SNX9: variants seen among roughly 807,000 people sequenced by gnomAD.
SNX9 encodes sorting nexin-9.
SNX9 carries 44 observed loss-of-function variants against 89.4 expected under a neutral mutation model. The observed-to-expected ratio is 0.49, with a 90% CI of 0.39 to 0.63. The LOEUF is 0.63. Ranked by LOEUF, SNX9 falls within the 30% of genes least tolerant of loss-of-function variation. The pLI, the probability that SNX9 is intolerant of heterozygous loss-of-function variation, is 0.00. For synonymous variants in SNX9, 236 were observed against 247.8 expected (o/e 0.95, Z 0.45); for missense variants, 578 against 736.1 (o/e 0.79, Z 2.49).
intron 7 of SNX9, among the ~76,000 whole-genome samples, chr6:157,908,750 C>CAT (rs397841572): frequency 6.6e-6 from 1 of 152,060 alleles, no homozygotes; most frequent in Non-Finnish European, 1.5e-5. Context: ...AAAACTTACA[C>CAT]GAGGTCTCTA....
chr6:157,841,682 G>A (rs369637187), intron 1 of SNX9, among the ~76,000 whole-genome samples: 1 of 152,266 alleles, frequency 6.6e-6, no homozygotes, highest in South Asian at 2.1e-4. Context: ...GGAACTGGGA[G>A]GAGGTGTAGA....
rs560340393 is a variant in SNX9 at position 157,870,879 on chromosome 6, G to A, written c.100-2223G>A. Among the ~76,000 whole-genome samples the A allele has an allele frequency of 8.6e-5, 13 of 151,910 alleles. No homozygotes were observed. The East Asian group carries it at 1.4e-3, about 16-fold the overall frequency. On this transcript the variant is annotated intron_variant, in intron 2 of 17. Coordinates refer to ENST00000392185, the MANE Select transcript of SNX9 (RefSeq NM_016224.5). ...TCTCACACAGATGCAGCACTCACCCGTGCAAGCACGCACACACCCCTCAGA... is the reference window on the plus strand; with the variant it reads ...TCTCACACAGATGCAGCACTCACCCATGCAAGCACGCACACACCCCTCAGA...
intron 9 of SNX9, 23 bp from the exon 10 acceptor site, chr6:157,921,508 C>A: frequency 6.2e-7 from 1 of 1,606,616 alleles, no homozygotes; most frequent in Non-Finnish European, 8.5e-7. Flanking sequence ...AGTTGTATGT[C>A]ATTCTTGGTG....
intron 12 of SNX9, 27 bp downstream of exon 12, chr6:157,928,729 G>A: frequency 6.6e-7 from 1 of 1,513,610 alleles, no homozygotes; most frequent in East Asian, 2.5e-5. Context: ...CAGTGCACTG[G>A]GCTCGTAGGG....
intron 1 of SNX9, among the ~76,000 whole-genome samples, chr6:157,845,635 T>C (rs1781793335): frequency 6.6e-6 from 1 of 152,176 alleles, no homozygotes; most frequent in African/African-American, 2.4e-5. Context: ...TACTAGAGAG[T>C]ATCCTGCAAA....
chr6:157,882,957 A>G (rs959940850), intron 4 of SNX9, among the ~76,000 whole-genome samples: 2 of 152,220 alleles, frequency 1.3e-5, no homozygotes, highest in Admixed American at 6.5e-5. Context: ...TACTGTGGGC[A>G]AAATGCTATC....
rs1251435972 is a variant in SNX9 at position 157,939,222 on chromosome 6, G to A, written c.1648+475G>A. Among the ~76,000 whole-genome samples the A allele has an allele frequency of 4.6e-5, 7 of 152,252 alleles. No homozygotes were observed. The South Asian group carries it at 1.2e-3, about 27-fold the overall frequency. ...CAGCAAGTGGATTTTTCCTGTTGGC[G>A]GATGGGTGGATGGCACTTGGATGGG... On this transcript the variant is annotated intron_variant, in intron 16 of 17. Transcript: ENST00000392185.
intron 1 of SNX9, among the ~76,000 whole-genome samples, chr6:157,837,256 G>C (rs1781602613): frequency 6.6e-6 from 1 of 152,280 alleles, no homozygotes; most frequent in South Asian, 2.1e-4. Flanking sequence ...TCTCAACACT[G>C]TTACAATCTC....
At chr6:157,929,914 G>A (rs1429480230) in intron 12 of SNX9, among the ~76,000 whole-genome samples, 2 of 152,166 alleles carry the variant, frequency 1.3e-5, no homozygotes, top group Non-Finnish European at 2.9e-5. Flanking sequence ...ACCATGGTCC[G>A]AGCACCATAT....
At chr6:157,919,147 T>C (rs564354502) in intron 9 of SNX9, among the ~76,000 whole-genome samples, 1 of 152,342 alleles carries the variant, frequency 6.6e-6, no homozygotes, top group Non-Finnish European at 1.5e-5. Context: ...TGCAGGTCTG[T>C]TATCAGTGAA....
chr6:157,906,266 C>A, intron 7 of SNX9, 54 bp downstream of exon 7: 1 of 1,392,398 alleles, frequency 7.2e-7, no homozygotes, highest in Non-Finnish European at 9.9e-7. Context: ...TTTCTTATAC[C>A]GTACTTTAAA....
At chr6:157,899,675 G>A (rs1783053620) in intron 5 of SNX9, among the ~76,000 whole-genome samples, 1 of 152,108 alleles carries the variant, frequency 6.6e-6, no homozygotes, top group African/African-American at 2.4e-5. Flanking sequence ...TCGGGAAGCT[G>A]AGGCAGGAGA....
chr6:157,889,243 C>A (rs1782803684), intron 4 of SNX9, among the ~76,000 whole-genome samples: 2 of 151,926 alleles, frequency 1.3e-5, no homozygotes, highest in South Asian at 4.2e-4. Flanking sequence ...CCAGCCTGGC[C>A]AACATGGTGA....
chr6:157,831,222 G>C (rs1164830970), intron 1 of SNX9, among the ~76,000 whole-genome samples: 1 of 151,966 alleles, frequency 6.6e-6, no homozygotes, highest in East Asian at 2.0e-4. Flanking sequence ...GATTTGATTT[G>C]ATTTTTCCTT....
intron 4 of SNX9, among the ~76,000 whole-genome samples, chr6:157,883,972 A>AT (rs952826838): frequency 6.6e-6 from 1 of 152,002 alleles, no homozygotes; most frequent in Non-Finnish European, 1.5e-5. Context: ...TGTTTGAATA[A>AT]TTTTTTTTCA....
Position 157,896,931 on chromosome 6 carries a change from A to C in SNX9, c.405A>C (p.Gln135His), listed in dbSNP as rs752576117. 1.2e-6 allele frequency: 2 copies of C among 1,612,996 alleles called. No homozygotes were observed. The highest frequency in any genetic ancestry group is 1.3e-5 in the African/African-American group (1 of 74,916). ...WGAQPEGAGA[Q>H]RNTNTPNNWD... Reference sequence around the variant, plus strand: ...CCCAGCCAGAGGGGGCTGGAGCCCAAAGAAACACAAACACTCCCAACAACT... The same window carrying C: ...CCCAGCCAGAGGGGGCTGGAGCCCACAGAAACACAAACACTCCCAACAACT... The change falls in exon 5 of 18, where the codon CAA (glutamine) becomes CAC (histidine). Residue 135 changes from glutamine (Q) to histidine (H), a missense_variant. By Grantham distance (24) the Gln-to-His change is conservative. Around this residue, in one of 2 missense-constraint regions of SNX9, gnomAD observed 230 missense variants for 244.7 expected, o/e 0.94. Transcript: ENST00000392185.
chr6:157,826,502 G>GGA (rs1554290484), intron 1 of SNX9, among the ~76,000 whole-genome samples: 1 of 78,042 alleles, frequency 1.3e-5, no homozygotes, highest in African/African-American at 4.2e-5. Context: ...TCCATCTCAA[G>GGA]AAAAAAAAAA....
intron 13 of SNX9, among the ~76,000 whole-genome samples, chr6:157,932,625 G>A (rs1279314876): frequency 1.3e-5 from 2 of 151,918 alleles, no homozygotes; most frequent in Non-Finnish European, 2.9e-5. Context: ...CAACACTTTG[G>A]GAGGCTGAGG....
chr6:157,897,278 A>T (rs1782999701), intron 5 of SNX9, among the ~76,000 whole-genome samples: 1 of 152,156 alleles, frequency 6.6e-6, no homozygotes. Flanking sequence ...GGCTCACAGA[A>T]CTCAGGGAAA....
Sources: allele counts gnomAD v4.1 joint callset (sites outside exome capture counted in the v4.1 genomes callset), GRCh38; gene constraint gnomAD v4.1.1; regional missense constraint gnomAD v4.1.1; transcripts MANE v1.5; gene names NCBI Gene and HGNC (gene_info 2026-07-23, HGNC 2026-07-21).